Variants in BRINP1 observed in about 807,000 individuals in gnomAD.
BRINP1 encodes the protein BMP/retinoic acid-inducible neural-specific protein 1.
BRINP1 carries 17 observed loss-of-function variants against 72.9 expected under a neutral mutation model. The observed-to-expected ratio is 0.23, with a 90% CI of 0.16 to 0.35. BRINP1 has a LOEUF of 0.35. Among genes scored for constraint, BRINP1 ranks in the 10% least tolerant of loss-of-function variants. BRINP1 has a pLI of 1.00. For missense variants in BRINP1, 850 were observed against 1,001.6 expected, an observed-to-expected ratio of 0.85 and a Z score of 2.04; for synonymous variants, 418 against 378.5, an observed-to-expected ratio of 1.10 and a Z score of -1.21.
chr9:119,340,866 T>C (rs570196520), intron 1 of BRINP1, among the ~76,000 whole-genome samples: 11 of 152,236 alleles, frequency 7.2e-5, no homozygotes, highest in African/African-American at 2.6e-4. Flanking sequence ...GTAAGAATCG[T>C]ATGAAGGTCC....
chr9:119,366,503 CGTGTGT>C (rs3983901), intron 1 of BRINP1, among the ~76,000 whole-genome samples: 16,695 of 136,120 alleles, frequency 0.12, 2,203 homozygotes, highest in Non-Finnish European at 0.13. Flanking sequence ...CCCCCACCAC[CGTGTGT>C]GTGTGTGTGT....
chr9:119,213,262 T>G (rs1829947848), intron 6 of BRINP1, among the ~76,000 whole-genome samples: 5 of 152,228 alleles, frequency 3.3e-5, no homozygotes, highest in Admixed American at 2.0e-4. Flanking sequence ...CATGGTTACA[T>G]AATTAATGCC....
At chr9:119,358,860 C>A (rs191192095) in intron 1 of BRINP1, among the ~76,000 whole-genome samples, 95 of 152,334 alleles carry the variant, frequency 6.2e-4, no homozygotes, top group Middle Eastern at 3.4e-3. Flanking sequence ...TATCATTTTG[C>A]GTTCTCCCAC....
At chr9:119,250,453 G>C (rs1242595117) in intron 2 of BRINP1, among the ~76,000 whole-genome samples, 3 of 152,122 alleles carry the variant, frequency 2.0e-5, no homozygotes, top group African/African-American at 7.2e-5. Context: ...TTGTGATCTT[G>C]TCCCCTCTCT....
rs775257352 is a variant in BRINP1, at chr9:119,248,914, A to C, written c.409+46T>G. The C allele has an allele frequency of 3.9e-6, 6 of 1,551,906 alleles. No homozygotes were observed. The Admixed American group carries it at 1.0e-4, about 27-fold the overall frequency. ...CATCCCACTCTCCCTTCCCATCCCA[A>C]ACCCAAAGTCATGAGAAGGCTCTGG... is the stretch of plus-strand genomic sequence containing the variant. On this transcript the variant is annotated intron_variant, in intron 3 of 7. Coordinates refer to ENST00000265922, the MANE Select transcript of BRINP1 (RefSeq NM_014618.3).
chr9:119,343,447 A>G (rs1831423200), intron 1 of BRINP1, among the ~76,000 whole-genome samples: 1 of 152,064 alleles, frequency 6.6e-6, no homozygotes, highest in African/African-American at 2.4e-5. Context: ...TGAATTTACT[A>G]CTTTCACTAC....
intron 1 of BRINP1, among the ~76,000 whole-genome samples, chr9:119,334,812 T>A (rs1012156737): frequency 6.6e-6 from 1 of 151,834 alleles, no homozygotes; most frequent in African/African-American, 2.4e-5. Context: ...AGAGAGAGAA[T>A]CATGCTCAAT....
At chr9:119,239,158 A>C (rs1370302827) in intron 4 of BRINP1, among the ~76,000 whole-genome samples, 1 of 152,240 alleles carries the variant, frequency 6.6e-6, no homozygotes, top group Non-Finnish European at 1.5e-5. Flanking sequence ...AGTATCTGCA[A>C]ATCAAAGCTA....
At chr9:119,172,401 C>G (rs1421936383) in intron 7 of BRINP1, among the ~76,000 whole-genome samples, 22 of 152,060 alleles carry the variant, frequency 1.4e-4, no homozygotes, top group East Asian at 7.7e-4. Context: ...TAAATTCCTC[C>G]ACACATACGC....
intron 1 of BRINP1, among the ~76,000 whole-genome samples, chr9:119,355,865 C>T (rs974584254): frequency 2.6e-5 from 4 of 152,126 alleles, no homozygotes; most frequent in Non-Finnish European, 5.9e-5. Flanking sequence ...TCTCCAAACA[C>T]TCTGATAACA....
In BRINP1 at chr9:119,345,466, A is replaced by G. The variant is rs1831440302; in HGVS notation, c.-51+23590T>C. On this transcript the variant is annotated intron_variant, in intron 1 of 7. Transcript: ENST00000265922. The stretch of plus-strand genomic sequence containing the variant: ...CCTCAAAGAACATTTCAGAAAGAGG[A>G]AAATAAGTGGCTCCAAATATTTTCC... 3.3e-5 allele frequency among the ~76,000 whole-genome samples: 5 copies of G among 152,226 alleles called. No homozygotes were observed. The South Asian group carries it at 1.0e-3, about 32-fold the overall frequency.
At chr9:119,218,578 A>C (rs905147364) in intron 5 of BRINP1, among the ~76,000 whole-genome samples, 1 of 152,060 alleles carries the variant, frequency 6.6e-6, no homozygotes, top group Non-Finnish European at 1.5e-5. Context: ...TTTAAAAATC[A>C]GGTGACCTGG....
At chr9:119,235,919 A>G (rs2118904660) in intron 5 of BRINP1, among the ~76,000 whole-genome samples, 1 of 152,308 alleles carries the variant, frequency 6.6e-6, no homozygotes, top group African/African-American at 2.4e-5. Context: ...CTCTGACAAC[A>G]GGGAGTGACT....
In BRINP1 at chr9:119,319,255, T is replaced by C. The variant is rs553491655; in HGVS notation, c.-50-5850A>G. On this transcript the variant is annotated intron_variant, in intron 1 of 7. Transcript: ENST00000265922. ...TGCCACATTGTCTTGGCCAGGCACT[T>C]GGCATGTATGGCTATGTTTCAACCT... Among the ~76,000 whole-genome samples the C allele has an allele frequency of 5.3e-4, 80 of 152,320 alleles. 1 individual carries two copies. Among genetic ancestry groups the C allele is most frequent in the African/African-American group, 1.8e-3 (74 of 41,570 alleles).
intron 2 of BRINP1, among the ~76,000 whole-genome samples, chr9:119,294,572 A>C (rs1316950650): frequency 6.6e-6 from 1 of 151,806 alleles, no homozygotes; most frequent in Non-Finnish European, 1.5e-5. Flanking sequence ...GAAATTTAAA[A>C]AGACACAGAA....
intron 1 of BRINP1, among the ~76,000 whole-genome samples, chr9:119,321,274 T>C (rs550991126): frequency 6.6e-6 from 1 of 152,136 alleles, no homozygotes; most frequent in East Asian, 2.0e-4. Flanking sequence ...AAACTGAGGT[T>C]CAGAAAGGCG....
intron 7 of BRINP1, among the ~76,000 whole-genome samples, chr9:119,179,242 G>T (rs969977233): frequency 1.3e-5 from 2 of 152,176 alleles, no homozygotes; most frequent in Admixed American, 1.3e-4. Flanking sequence ...TGTCCCTAAG[G>T]ATCCAAAGCA....
intron 7 of BRINP1, among the ~76,000 whole-genome samples, chr9:119,207,076 G>A (rs1369128100): frequency 6.6e-6 from 1 of 152,152 alleles, no homozygotes; most frequent in Admixed American, 6.5e-5. Context: ...CATAAGGGGG[G>A]AAAGAGAGAG....
rs554322828 is a variant in BRINP1 at position 119,204,769 on chromosome 9, A to T, written c.1145+3950T>A. Among the ~76,000 whole-genome samples, 11 of 152,320 alleles carry T rather than the reference A, an allele frequency of 7.2e-5. 1 individual carries two copies. In the South Asian group the frequency reaches 2.3e-3, roughly 32 times the overall value. On this transcript the variant is annotated intron_variant, in intron 7 of 7. Transcript: ENST00000265922. ...ACTTAACCTGAAGGCAAGTGTTATT[A>T]TCCCCTTTCACAAATGAGGTGCAGG...
Sources: allele counts gnomAD v4.1 joint callset (sites outside exome capture counted in the v4.1 genomes callset), GRCh38; gene constraint gnomAD v4.1.1; transcripts MANE v1.5; gene names NCBI Gene and HGNC (gene_info 2026-07-23, HGNC 2026-07-21).